LRBA: variants seen among roughly 807,000 people sequenced by gnomAD.
LRBA encodes LPS responsive beige-like anchor protein, also known as lipopolysaccharide-responsive and beige-like anchor protein.
LRBA carries 176 observed loss-of-function variants against 330.0 expected under a neutral mutation model. The observed-to-expected ratio is 0.53, with a 90% confidence interval of 0.47 to 0.60. LRBA has a LOEUF of 0.60. Ranked by LOEUF, LRBA falls within the 20% of genes least tolerant of loss-of-function variation. The pLI is 0.00. For synonymous variants in LRBA, 1,230 were observed against 1,193.0 expected (o/e 1.03, Z -0.64); for missense variants, 3,259 against 3,444.8 (o/e 0.95, Z 1.35).
At chr4:150,970,558 C>CGTGTGTGTGTGT (rs886585528) in intron 2 of LRBA, 3 of 9,986 alleles carry the variant, frequency 3.0e-4, no homozygotes, top group African/African-American at 6.3e-4. Flanking sequence ...TGTGTGTGTA[C>CGTGTGTGTGTGT]ACACACACAC....
At chr4:150,993,213 A>G (rs952185723) in intron 2 of LRBA, among the ~76,000 whole-genome samples, 1 of 152,240 alleles carries the variant, frequency 6.6e-6, no homozygotes, top group South Asian at 2.1e-4. Flanking sequence ...ACAGATAATT[A>G]GATTTCCTAG....
intron 2 of LRBA, among the ~76,000 whole-genome samples, chr4:150,990,421 A>G (rs1315767685): frequency 6.6e-6 from 1 of 152,194 alleles, no homozygotes; most frequent in Non-Finnish European, 1.5e-5. Context: ...TCCAGTGTTA[A>G]GGCAAGCATC....
chr4:150,880,881 C>T (rs948603467), intron 17 of LRBA, among the ~76,000 whole-genome samples: 3 of 152,032 alleles, frequency 2.0e-5, no homozygotes, highest in Non-Finnish European at 2.9e-5. Context: ...GGAAACGCCA[C>T]AAACAGACAC....
intron 42 of LRBA, among the ~76,000 whole-genome samples, chr4:150,481,026 C>G (rs1757235978): frequency 6.6e-6 from 1 of 152,116 alleles, no homozygotes; most frequent in South Asian, 2.1e-4. Flanking sequence ...ATCCACTGTT[C>G]TACTTTTTAC....
intron 2 of LRBA, among the ~76,000 whole-genome samples, chr4:150,952,595 G>A (rs1040512702): frequency 1.3e-5 from 2 of 152,090 alleles, no homozygotes; most frequent in African/African-American, 4.8e-5. Flanking sequence ...ATGTCTGCCT[G>A]AGCCTCATCC....
intron 49 of LRBA, among the ~76,000 whole-genome samples, chr4:150,322,483 C>T (rs1213311179): frequency 6.6e-6 from 1 of 152,172 alleles, no homozygotes; most frequent in Non-Finnish European, 1.5e-5. Flanking sequence ...TGGCTGCTTT[C>T]CTTCTGCCAT....
At chr4:150,649,419 T>C (rs1331463534) in intron 37 of LRBA, among the ~76,000 whole-genome samples, 5 of 152,206 alleles carry the variant, frequency 3.3e-5, no homozygotes, top group Admixed American at 6.5e-5. Context: ...CATGCTCTTC[T>C]ATCTGCTTTC....
At chr4:150,614,208 C>G (rs1775547237) in intron 37 of LRBA, among the ~76,000 whole-genome samples, 1 of 152,212 alleles carries the variant, frequency 6.6e-6, no homozygotes, top group Admixed American at 6.5e-5. Context: ...ACTCCTACAC[C>G]TGACAGTTCA....
intron 37 of LRBA, among the ~76,000 whole-genome samples, chr4:150,640,707 T>C (rs779498551): frequency 5.3e-5 from 8 of 152,208 alleles, no homozygotes; most frequent in Admixed American, 1.3e-4. Context: ...TCTAGTGTCT[T>C]TTGACAGCCT....
intron 46 of LRBA, among the ~76,000 whole-genome samples, chr4:150,430,840 T>C (rs1385992242): frequency 6.6e-6 from 1 of 152,138 alleles, no homozygotes; most frequent in Non-Finnish European, 1.5e-5. Context: ...ACATTTATGA[T>C]TCCTTCTATG....
chr4:150,777,044 TAAAGTCAGTTTTTTGA>T (rs1330558849), intron 34 of LRBA, among the ~76,000 whole-genome samples: 1 of 150,622 alleles, frequency 6.6e-6, no homozygotes, highest in African/African-American at 2.4e-5. Context: ...GTACTTTTTT[TAAAGTCAGTTTTTTGA>T]GGGGTTTTGT....
rs57183552 is a variant in LRBA, at chr4:150,686,273, A to C, written c.5755-2556T>G. On this transcript the variant is annotated intron_variant, in intron 36 of 56. Transcript: ENST00000651943. ...AAAGGCAAACTGTTTATTTAATCTA[A>C]ACACTGATGTGGAGAAAATAAATCC... 1.2e-3 allele frequency among the ~76,000 whole-genome samples: 184 copies of C among 152,320 alleles called. 4 individuals carry two copies. Among genetic ancestry groups the C allele is most frequent in the African/African-American group, 4.3e-3 (180 of 41,580 alleles).
At chr4:150,512,383 G>A (rs1761920793) in intron 40 of LRBA, among the ~76,000 whole-genome samples, 2 of 152,176 alleles carry the variant, frequency 1.3e-5, no homozygotes, top group African/African-American at 2.4e-5. Flanking sequence ...TGAACTGAAT[G>A]TGTCTTTCCA....
At chr4:150,704,829 T>A (rs1785460594) in intron 36 of LRBA, among the ~76,000 whole-genome samples, 1 of 152,164 alleles carries the variant, frequency 6.6e-6, no homozygotes, top group Admixed American at 6.5e-5. Context: ...TATTTAACAA[T>A]GATAATTGAT....
At position 150,389,719 on chromosome 4, in the gene LRBA, G is replaced by GACTA. The variant is rs762259924; in HGVS notation, c.7194+25715_7194+25718dup. ...AAAAGAAAGGAATCAAAACTCCAGAGACTAACCATGAACATGTCTAATAGT... is the reference window on the plus strand; with the variant it reads ...AAAAGAAAGGAATCAAAACTCCAGAGACTAACTAACCATGAACATGTCTAATAGT... On this transcript the variant is annotated intron_variant, in intron 47 of 56. Transcript: ENST00000651943. Among the ~76,000 whole-genome samples, 257 of 143,086 alleles carry GACTA rather than the reference G, an allele frequency of 1.8e-3. 1 individual carries two copies. Among genetic ancestry groups the GACTA allele is most frequent in the Admixed American group, 3.0e-3 (42 of 14,202 alleles). The allele number at this position is 143,086 out of a possible 152,430, so 93.9% of individuals were successfully genotyped here.
At chr4:150,445,395 A>C (rs556476816) in intron 44 of LRBA, among the ~76,000 whole-genome samples, 7,874 of 142,868 alleles carry the variant, frequency 0.055, 412 homozygotes, top group East Asian at 0.17. Flanking sequence ...ATATATATAT[A>C]TATATATATA....
intron 47 of LRBA, among the ~76,000 whole-genome samples, chr4:150,351,881 A>G (rs1737233421): frequency 6.6e-6 from 1 of 152,196 alleles, no homozygotes; most frequent in African/African-American, 2.4e-5. Flanking sequence ...AGTAAGAGAT[A>G]AACAACAATA....
intron 45 of LRBA, 83 bp from the exon 46 acceptor site, chr4:150,435,791 T>C (rs996624536): frequency 9.4e-7 from 1 of 1,061,072 alleles, no homozygotes; most frequent in Non-Finnish European, 1.4e-6. Context: ...ACTAAATACT[T>C]TAATGACTAA....
At chr4:150,837,632 T>A (rs1458649996) in intron 28 of LRBA, among the ~76,000 whole-genome samples, 1 of 152,216 alleles carries the variant, frequency 6.6e-6, no homozygotes, top group Non-Finnish European at 1.5e-5. Context: ...TTTTTTGTTT[T>A]CCATTTGCTT....
Sources: gnomAD v4.1 joint callset for allele counts (sites outside exome capture counted in the v4.1 genomes callset) on GRCh38, gnomAD v4.1.1 for gene constraint, MANE v1.5 for transcripts, NCBI Gene and HGNC (gene_info 2026-07-23, HGNC 2026-07-21) for gene names.